Variants in NHS observed in about 807,000 individuals in gnomAD.
NHS encodes NHS actin remodeling regulator, also known as actin remodeling regulator NHS.
NHS carries 5 observed loss-of-function variants against 72.5 expected under a neutral mutation model. The observed-to-expected ratio is 0.07, with a 90% CI of 0.04 to 0.14. The LOEUF is 0.14. Among genes scored for constraint, NHS ranks in the 10% least tolerant of loss-of-function variants. The pLI, the probability that NHS is intolerant of heterozygous loss-of-function variation, is 1.00. For synonymous variants in NHS, 464 were observed against 547.7 expected, an observed-to-expected ratio of 0.85 and a Z score of 2.13; for missense variants, 1,072 against 1,355.7, an observed-to-expected ratio of 0.79 and a Z score of 3.29.
chrX:17,492,992 G>A (rs1008061681), intron 1 of NHS, among the ~76,000 whole-genome samples: 1 of 112,194 alleles, frequency 8.9e-6, no homozygotes, highest in African/African-American at 3.2e-5. Flanking sequence ...AGTTCTTGGA[G>A]GGCAGATATT....
At chrX:17,516,773 GCA>G (rs201829012) in intron 1 of NHS, among the ~76,000 whole-genome samples, 4 of 100,425 alleles carry the variant, frequency 4.0e-5, no homozygotes, top group Non-Finnish European at 6.1e-5. Flanking sequence ...AATTCAAATG[GCA>G]CACACACACA....
intron 1 of NHS, among the ~76,000 whole-genome samples, chrX:17,542,273 C>T (rs1404830908): frequency 8.8e-6 from 1 of 113,402 alleles, no homozygotes. Flanking sequence ...TGCATGCCTG[C>T]TCTCCGGTTG....
At chrX:17,700,224 C>A (rs1601843023) in intron 3 of NHS, among the ~76,000 whole-genome samples, 1 of 110,623 alleles carries the variant, frequency 9.0e-6, no homozygotes, top group Admixed American at 9.6e-5. Context: ...GGGAGGATCA[C>A]TTGAGCCCAG....
At chrX:17,532,034 G>A (rs1569274022) in intron 1 of NHS, among the ~76,000 whole-genome samples, 1 of 111,320 alleles carries the variant, frequency 9.0e-6, no homozygotes, top group African/African-American at 3.3e-5. Context: ...TGTCTCCCCA[G>A]GAGCTGGTAT....
chrX:17,604,884 G>T (rs1481022825), intron 1 of NHS, among the ~76,000 whole-genome samples: 1 of 111,964 alleles, frequency 8.9e-6, no homozygotes, highest in Non-Finnish European at 1.9e-5. Context: ...ATGAAGAAAT[G>T]TCAAAGCTGG....
chrX:17,708,340 G>C (rs2066308171), intron 3 of NHS, among the ~76,000 whole-genome samples: 1 of 111,489 alleles, frequency 9.0e-6, no homozygotes, highest in Non-Finnish European at 1.9e-5. Flanking sequence ...ACGGACCATA[G>C]ACCTCAGCCA....
intron 1 of NHS, among the ~76,000 whole-genome samples, chrX:17,437,815 C>A (rs1384709107): frequency 9.0e-6 from 1 of 111,414 alleles, no homozygotes; most frequent in Non-Finnish European, 1.9e-5. Flanking sequence ...AAGTGTCCAA[C>A]AAATGTTCCC....
Position 17,735,066 on chromosome X carries a change from A to G in NHS, c.*2602A>G, listed in dbSNP as rs1041721365. 1.8e-5 allele frequency: 2 copies of G among 112,879 alleles called. No individual in the cohort carries two copies. Among genetic ancestry groups the G allele is most frequent in the Non-Finnish European group, 3.8e-5 (2 of 53,322 alleles). 9.3% of individuals were successfully genotyped at this position (112,879 alleles called of 1,213,427 possible). A position where few individuals can be genotyped will look rare whatever the true frequency, so the allele number is the denominator to read the frequency against. On this transcript the variant is annotated 3_prime_UTR_variant, in exon 9 of 9. Transcript: ENST00000676302. ...AGGCAATAAGATACCTTCTATATGTAATGATCACAGAACTAACCCTTATAA... is the reference window on the plus strand; with the variant it reads ...AGGCAATAAGATACCTTCTATATGTGATGATCACAGAACTAACCCTTATAA...
chrX:17,444,874 T>A (rs2064771433), intron 1 of NHS, among the ~76,000 whole-genome samples: 1 of 111,691 alleles, frequency 9.0e-6, no homozygotes. Flanking sequence ...TTATGCATTT[T>A]TTTTTTTCCA....
intron 1 of NHS, among the ~76,000 whole-genome samples, chrX:17,632,132 T>G (rs1443536048): frequency 8.9e-6 from 1 of 111,801 alleles, no homozygotes; most frequent in Non-Finnish European, 1.9e-5. Flanking sequence ...TTAAATGAGA[T>G]TTTATAAATT....
intron 1 of NHS, among the ~76,000 whole-genome samples, chrX:17,426,885 A>C (rs1191921493): frequency 8.9e-6 from 1 of 111,930 alleles, no homozygotes; most frequent in Non-Finnish European, 1.9e-5. Context: ...ACTGCCTGAG[A>C]GTGCCTGTTT....
chrX:17,655,929 G>A (rs954096184), intron 1 of NHS, among the ~76,000 whole-genome samples: 1 of 113,154 alleles, frequency 8.8e-6, no homozygotes, highest in Admixed American at 9.2e-5. Context: ...ACCGAGTTAG[G>A]CTGGAGCTGG....
chrX:17,534,883 C>T (rs1240386823), intron 1 of NHS, among the ~76,000 whole-genome samples: 1 of 112,035 alleles, frequency 8.9e-6, no homozygotes, highest in Non-Finnish European at 1.9e-5. Context: ...TTCCTGAGGG[C>T]TTTCTGTCAG....
intron 1 of NHS, among the ~76,000 whole-genome samples, chrX:17,611,119 T>C (rs1170632431): frequency 8.9e-6 from 1 of 112,525 alleles, no homozygotes; most frequent in African/African-American, 3.2e-5. Context: ...ATGAAACAAA[T>C]AGGCAGATAA....
Position 17,440,733 on chromosome X carries a change from G to A in NHS, c.565+64411G>A, listed in dbSNP as rs191005411. 4.4e-4 allele frequency among the ~76,000 whole-genome samples: 49 copies of A among 111,805 alleles called. No individual in the cohort carries two copies. The East Asian group carries it at 9.2e-3, about 21-fold the overall frequency. On this transcript the variant is annotated intron_variant, in intron 1 of 8. Transcript: ENST00000676302. The stretch of plus-strand genomic sequence containing the variant: ...CTCTGGCCTCAGTTCAGGAAGGGGC[G>A]AACTGGAAGGAGGTCAGAAATAAGC...
intron 1 of NHS, among the ~76,000 whole-genome samples, chrX:17,493,441 A>G (rs2064999789): frequency 8.9e-6 from 1 of 111,793 alleles, no homozygotes; most frequent in South Asian, 3.7e-4. Context: ...TCATTTCCAC[A>G]TCTATTTTCA....
At chrX:17,442,535 T>A (rs1466142505) in intron 1 of NHS, among the ~76,000 whole-genome samples, 1 of 112,400 alleles carries the variant, frequency 8.9e-6, no homozygotes, top group Non-Finnish European at 1.9e-5. Context: ...TGGAACTTGG[T>A]TTGACTAGAG....
chrX:17,465,479 T>C (rs928234775), intron 1 of NHS, among the ~76,000 whole-genome samples: 2 of 111,095 alleles, frequency 1.8e-5, no homozygotes, highest in Admixed American at 1.9e-4. Flanking sequence ...TTGTTCTTTG[T>C]TAATATTTAT....
chrX:17,557,606 C>G (rs892983104), intron 1 of NHS, among the ~76,000 whole-genome samples: 3 of 111,219 alleles, frequency 2.7e-5, no homozygotes, highest in African/African-American at 9.8e-5. Context: ...ATCTCACAGT[C>G]TCTGTGGGCC....
Sources: gnomAD v4.1 joint callset for allele counts (sites outside exome capture counted in the v4.1 genomes callset) on GRCh38, gnomAD v4.1.1 for gene constraint, MANE v1.5 for transcripts, NCBI Gene and HGNC (gene_info 2026-07-23, HGNC 2026-07-21) for gene names.